The following ARHGAP17 variants were observed in gnomAD, a reference collection of about 807,000 sequenced individuals.
ARHGAP17 encodes the protein Rho GTPase activating protein 17.
A neutral mutation model predicts 99.5 loss-of-function variants in ARHGAP17; 57 were observed. The observed-to-expected ratio is 0.57, with a 90% CI of 0.46 to 0.71. The LOEUF (loss-of-function observed/expected upper bound fraction) is 0.71. ARHGAP17 is among the 30% of genes least tolerant of loss of function. The pLI is 0.00. For missense variants in ARHGAP17, 1,000 were observed against 1,122.4 expected (o/e 0.89, Z 1.56); for synonymous variants, 417 against 429.6 (o/e 0.97, Z 0.36).
chr16:24,964,945 AAAC>A lies in ARHGAP17; in HGVS notation c.462-640_462-638del, dbSNP rs557789728. On this transcript the variant is annotated intron_variant, in intron 6 of 19. Coordinates refer to ENST00000289968, the MANE Select transcript of ARHGAP17 (RefSeq NM_001006634.3). Reference sequence around the variant, plus strand: ...CAACACAACAAGACTCCATGTCTACAAACAACAATAACAATAATAATGTAGGTA... The same window carrying A: ...CAACACAACAAGACTCCATGTCTACAAACAATAACAATAATAATGTAGGTA... Among the ~76,000 whole-genome samples, 33 of 152,254 alleles carry A rather than the reference AAAC, an allele frequency of 2.2e-4. No homozygotes were observed. In the East Asian group the frequency reaches 6.0e-3, roughly 28 times the overall value.
At chr16:24,956,940 C>T (rs55920914) in intron 9 of ARHGAP17, 46,144 of 152,048 alleles carry the variant, frequency 0.3, 7,314 homozygotes, top group East Asian at 0.5. Context: ...TCTCATGAGA[C>T]GGACAGAGAT....
chr16:24,981,502 T>C (rs941025715), intron 1 of ARHGAP17, among the ~76,000 whole-genome samples: 1 of 152,022 alleles, frequency 6.6e-6, no homozygotes, highest in Admixed American at 6.5e-5. Context: ...GAACAGAAAG[T>C]CAACAGACAG....
At chr16:25,006,053 C>T (rs887154993) in intron 1 of ARHGAP17, among the ~76,000 whole-genome samples, 4 of 151,844 alleles carry the variant, frequency 2.6e-5, no homozygotes, top group Admixed American at 1.3e-4. Context: ...AAATGGTGAC[C>T]GACCATGTCA....
chr16:24,986,266 T>C (rs935512083), intron 1 of ARHGAP17, among the ~76,000 whole-genome samples: 2 of 152,108 alleles, frequency 1.3e-5, no homozygotes, highest in African/African-American at 4.8e-5. Flanking sequence ...ATTTTACCTA[T>C]AAGGAAAGTG....
chr16:24,925,796 C>G (rs1455941169), intron 19 of ARHGAP17, among the ~76,000 whole-genome samples: 2 of 152,134 alleles, frequency 1.3e-5, no homozygotes, highest in Non-Finnish European at 2.9e-5. Flanking sequence ...TCATGTACCT[C>G]CTTGCCTTCT....
intron 1 of ARHGAP17, among the ~76,000 whole-genome samples, chr16:24,996,863 A>G (rs546292075): frequency 1.3e-5 from 2 of 151,706 alleles, no homozygotes; most frequent in Admixed American, 1.3e-4. Flanking sequence ...AGGCAGGAGG[A>G]TTGCTTGAGG....
At chr16:25,015,029 T>C (rs1480233687) in intron 1 of ARHGAP17, among the ~76,000 whole-genome samples, 180 bp downstream of exon 1, 1 of 150,726 alleles carries the variant, frequency 6.6e-6, no homozygotes, top group Non-Finnish European at 1.5e-5. Context: ...GCGGGCCGCC[T>C]GGAGCGCGGC....
intron 1 of ARHGAP17, among the ~76,000 whole-genome samples, chr16:24,993,969 A>G (rs1002194356): frequency 6.6e-6 from 1 of 152,238 alleles, no homozygotes; most frequent in Non-Finnish European, 1.5e-5. Context: ...GTAGGACTGT[A>G]ACTCCAAAAA....
At chr16:25,001,101 T>G (rs190050426) in intron 1 of ARHGAP17, among the ~76,000 whole-genome samples, 2 of 152,314 alleles carry the variant, frequency 1.3e-5, no homozygotes, top group Admixed American at 6.5e-5. Flanking sequence ...AGCTACACAC[T>G]ATTTTGGAGT....
chr16:24,946,051 A>T (rs1402703520), intron 14 of ARHGAP17, among the ~76,000 whole-genome samples: 1 of 152,214 alleles, frequency 6.6e-6, no homozygotes, highest in Non-Finnish European at 1.5e-5. Context: ...TCTGATTACT[A>T]AATGAGATCA....
At chr16:24,996,370 C>G (rs1193929768) in intron 1 of ARHGAP17, among the ~76,000 whole-genome samples, 1 of 152,114 alleles carries the variant, frequency 6.6e-6, no homozygotes, top group Non-Finnish European at 1.5e-5. Flanking sequence ...GGGGATGGAG[C>G]ATTCATAAAA....
chr16:24,921,478 C>T (rs2050718898), intron 19 of ARHGAP17, among the ~76,000 whole-genome samples: 1 of 152,138 alleles, frequency 6.6e-6, no homozygotes, highest in Non-Finnish European at 1.5e-5. Context: ...TCCTGTCTGT[C>T]CTTGACGGGA....
intron 9 of ARHGAP17, chr16:24,954,963 C>G (rs2051763344): frequency 2.1e-6 from 1 of 483,722 alleles, no homozygotes; most frequent in Non-Finnish European, 3.6e-6. Flanking sequence ...CTAGATGGCA[C>G]CAACTCAGGC....
intron 4 of ARHGAP17, among the ~76,000 whole-genome samples, chr16:24,969,889 C>T (rs1232169336): frequency 1.3e-5 from 2 of 152,190 alleles, no homozygotes; most frequent in South Asian, 2.1e-4. Flanking sequence ...CTGAAGGCCT[C>T]GTCCTGCTGG....
chr16:24,950,155 G>C (rs888438416), intron 12 of ARHGAP17, among the ~76,000 whole-genome samples: 18 of 152,306 alleles, frequency 1.2e-4, no homozygotes, highest in African/African-American at 4.3e-4. Context: ...CCATTCTGGA[G>C]AACATGGATA....
chr16:24,933,614 C>T (rs949875976), intron 18 of ARHGAP17, among the ~76,000 whole-genome samples: 1 of 151,944 alleles, frequency 6.6e-6, no homozygotes, highest in Non-Finnish European at 1.5e-5. Flanking sequence ...AGACTGCCAT[C>T]GGCATTTAAA....
At chr16:24,958,070 G>T (rs1169385845) in intron 9 of ARHGAP17, among the ~76,000 whole-genome samples, 1 of 152,136 alleles carries the variant, frequency 6.6e-6, no homozygotes, top group Non-Finnish European at 1.5e-5. Context: ...CAGCAAGAAG[G>T]ACAAATCGCA....
At chr16:24,993,392 C>A (rs941433476) in intron 1 of ARHGAP17, among the ~76,000 whole-genome samples, 1 of 151,980 alleles carries the variant, frequency 6.6e-6, no homozygotes, top group East Asian at 1.9e-4. Flanking sequence ...TCAAAACCAG[C>A]CTGACCAACA....
At chr16:25,013,657 A>C (rs959451299) in intron 1 of ARHGAP17, among the ~76,000 whole-genome samples, 1 of 152,156 alleles carries the variant, frequency 6.6e-6, no homozygotes, top group African/African-American at 2.4e-5. Context: ...GAAGCCTCTA[A>C]GATGACCCAG....
Sources: gnomAD v4.1 joint callset for allele counts (sites outside exome capture counted in the v4.1 genomes callset) on GRCh38, gnomAD v4.1.1 for gene constraint, MANE v1.5 for transcripts, NCBI Gene and HGNC (gene_info 2026-07-23, HGNC 2026-07-21) for gene names.